Variants in GPATCH11 observed in about 807,000 individuals in gnomAD.
The protein encoded by GPATCH11 is G-patch domain containing 11.
Under a neutral mutation model 44.8 loss-of-function variants are expected in GPATCH11, and 32 were observed. That is an observed-to-expected ratio of 0.71 (90% CI 0.54 to 0.96). The LOEUF is 0.96. GPATCH11 is among the 40% of genes least tolerant of loss of function. The pLI is 0.00. For synonymous variants in GPATCH11, 84 were observed against 94.4 expected, an observed-to-expected ratio of 0.89 and a Z score of 0.64; for missense variants, 324 against 303.1, an observed-to-expected ratio of 1.07 and a Z score of -0.51.
At position 37,089,819 on chromosome 2, in the gene GPATCH11, T is replaced by C; in HGVS notation, c.239T>C (p.Leu80Ser). ...ALGCENKGFA[L>S]LQKMGYKSGQ... The stretch of plus-strand genomic sequence containing the variant: ...GGCTGTGAAAACAAAGGGTTTGCCT[T>C]GCTCCAAAAGATGGGCTATAAAAGT... The change falls in exon 3 of 9, where the codon TTG becomes TCG. Residue 80 changes from leucine (L) to serine (S), a missense_variant. By Grantham distance (145) the Leu-to-Ser change is moderately radical. Transcript: ENST00000674370. The C allele has an allele frequency of 6.4e-7, 1 of 1,551,814 alleles. No individual in the cohort carries two copies. Among genetic ancestry groups the C allele is most frequent in the Non-Finnish European group, 8.7e-7 (1 of 1,147,032 alleles).
At position 37,095,620 on chromosome 2, in the gene GPATCH11, A is replaced by T. The variant is rs976337432; in HGVS notation, c.736+102A>T. The T allele has an allele frequency of 2.7e-5, 35 of 1,272,962 alleles. No homozygotes were observed. The Middle Eastern group carries it at 7.2e-4, about 26-fold the overall frequency. The allele number at this position is 1,272,962 out of a possible 1,614,324, so 78.9% of individuals were successfully genotyped here. ...AATGGAAATTTCTTATTCCATTCAA[A>T]TGGCAGTATGGGACCAATTTCTTAA... On this transcript the variant is annotated intron_variant, in intron 8 of 8. Transcript: ENST00000674370.
chr2:37,085,480 G>A (rs959341514), intron 1 of GPATCH11, among the ~76,000 whole-genome samples: 26 of 152,294 alleles, frequency 1.7e-4, no homozygotes, highest in Middle Eastern at 3.4e-3. Flanking sequence ...TACCATAAAT[G>A]CTGTATATAA....
chr2:37,086,475 C>A (rs1338096244), intron 1 of GPATCH11, among the ~76,000 whole-genome samples: 1 of 152,056 alleles, frequency 6.6e-6, no homozygotes, highest in African/African-American at 2.4e-5. Context: ...TATACATTAT[C>A]TAGTTGAGAA....
In GPATCH11 at chr2:37,095,426, G is replaced by T; in HGVS notation, c.655-11G>T. ...AATGTAAAGTATTAATAATGTGCTT[G>T]TATCCTATAGGTACTGGAAAAATTA... is the stretch of plus-strand genomic sequence containing the variant. On this transcript the variant is annotated splice_polypyrimidine_tract_variant and intron_variant, in intron 7 of 8. Transcript: ENST00000674370. The T allele has an allele frequency of 1.3e-6, 2 of 1,596,978 alleles. No homozygotes were observed. Among genetic ancestry groups the T allele is most frequent in the Non-Finnish European group, 1.7e-6 (2 of 1,173,858 alleles).
chr2:37,086,418 G>A (rs1673051769), intron 1 of GPATCH11, among the ~76,000 whole-genome samples: 1 of 152,192 alleles, frequency 6.6e-6, no homozygotes, highest in Non-Finnish European at 1.5e-5. Context: ...GGATGCAGTG[G>A]TAGGTAGGGA....
intron 1 of GPATCH11, among the ~76,000 whole-genome samples, chr2:37,086,169 T>C (rs370460704): frequency 7.9e-4 from 121 of 152,338 alleles, no homozygotes; most frequent in Middle Eastern, 3.4e-3. Flanking sequence ...ACACTAAGGA[T>C]GTAGAAAACC....
In GPATCH11 at chr2:37,096,205, C is replaced by T; in HGVS notation, c.737-3C>T. 6.4e-7 allele frequency: 1 copy of T among 1,550,502 alleles called. No homozygotes were observed. The highest frequency in any genetic ancestry group is 2.3e-5 in the East Asian group (1 of 44,038). ...TCTTTCATTTCCCTCACATAACTTA[C>T]AGATAAAGAAGACCTATCTTCAAAT... On this transcript the variant is annotated splice_polypyrimidine_tract_variant and splice_region_variant and intron_variant, in intron 8 of 8. Transcript: ENST00000674370.
At chr2:37,088,871 G>A (rs112128515) in intron 2 of GPATCH11, among the ~76,000 whole-genome samples, 2,674 of 152,166 alleles carry the variant, frequency 0.018, 43 homozygotes, top group Non-Finnish European at 0.029. Context: ...CTTGCTTTAT[G>A]GAAATACCTC....
intron 2 of GPATCH11, among the ~76,000 whole-genome samples, chr2:37,089,060 C>T (rs186392388): frequency 4.7e-4 from 72 of 152,294 alleles, no homozygotes; most frequent in African/African-American, 1.5e-3. Context: ...TGCCAACATC[C>T]TAGAAACATA....
In GPATCH11 at chr2:37,089,835, C is replaced by T. The variant is rs2148639220; in HGVS notation, c.255C>T (p.Gly85=). 1 of 1,551,592 alleles carries T rather than the reference C, an allele frequency of 6.4e-7. No individual in the cohort carries two copies. Among genetic ancestry groups the T allele is most frequent in the African/African-American group, 1.4e-5 (1 of 73,154 alleles). ...GGTTTGCCTTGCTCCAAAAGATGGGCTATAAAAGTGGTCAGGCACTTGGCA... is the reference window on the plus strand; with the variant it reads ...GGTTTGCCTTGCTCCAAAAGATGGGTTATAAAAGTGGTCAGGCACTTGGCA... ...NKGFALLQKM[G]YKSGQALGKS... is the part of the protein sequence containing the mutation. The change falls in exon 3 of 9, where the codon GGC becomes GGT. Residue 85 remains glycine, a synonymous_variant. Coordinates refer to ENST00000674370, the MANE Select transcript of GPATCH11 (RefSeq NM_174931.4).
At chr2:37,087,257 G>C (rs982136476) in intron 1 of GPATCH11, among the ~76,000 whole-genome samples, 4 of 152,186 alleles carry the variant, frequency 2.6e-5, no homozygotes. Context: ...TACTGACATT[G>C]CCACCCTCCA....
In GPATCH11 at chr2:37,092,023, G is replaced by A. The variant is rs369659513; in HGVS notation, c.436G>A (p.Ala146Thr). 1 of 1,612,870 alleles carries A rather than the reference G, an allele frequency of 6.2e-7. No homozygotes were observed. Among genetic ancestry groups the A allele is most frequent in the Non-Finnish European group, 8.5e-7 (1 of 1,179,214 alleles). Reference protein sequence around the residue: ...HMKNQAEEKAAEQFRMRLKNK... With the variant: ...HMKNQAEEKATEQFRMRLKNK... Reference sequence around the variant, plus strand: ...GAAAAACCAAGCTGAAGAAAAAGCTGCAGAACAGTTTCGGTAAAACTATTT... The same window carrying A: ...GAAAAACCAAGCTGAAGAAAAAGCTACAGAACAGTTTCGGTAAAACTATTT... The change falls in exon 5 of 9, where the codon GCA becomes ACA. Residue 146 changes from alanine (A) to threonine (T), a missense_variant. Transcript: ENST00000674370.
In GPATCH11 at chr2:37,096,402, T is replaced by C. The variant is rs889571101; in HGVS notation, c.*139T>C. ...ATAATGTTTTGTTCTTTTTGTACTTTAGAATATGAATGTTCATTGACTTGA... is the reference window on the plus strand; with the variant it reads ...ATAATGTTTTGTTCTTTTTGTACTTCAGAATATGAATGTTCATTGACTTGA... On this transcript the variant is annotated 3_prime_UTR_variant, in exon 9 of 9. Coordinates refer to ENST00000674370, the MANE Select transcript of GPATCH11 (RefSeq NM_174931.4). The C allele has an allele frequency of 3.2e-6, 2 of 633,698 alleles. No individual in the cohort carries two copies. The allele number at this position is 633,698 out of a possible 1,614,324, so 39.3% of individuals were successfully genotyped here. A position where few individuals can be genotyped will look rare whatever the true frequency, so the allele number is the denominator to read the frequency against.
At chr2:37,094,225 T>C (rs1328450203) in intron 7 of GPATCH11, 30 bp downstream of exon 7, 2 of 1,362,260 alleles carry the variant, frequency 1.5e-6, no homozygotes, top group South Asian at 1.3e-5. Context: ...CTTCATAGGG[T>C]GTCTCAGCCT....
chr2:37,086,259 G>C (rs1673040130), intron 1 of GPATCH11, among the ~76,000 whole-genome samples: 1 of 152,152 alleles, frequency 6.6e-6, no homozygotes, highest in Non-Finnish European at 1.5e-5. Context: ...AATGTATTAA[G>C]CTGTACATTT....
intron 1 of GPATCH11, among the ~76,000 whole-genome samples, chr2:37,085,379 G>A (rs1267575816): frequency 1.3e-5 from 2 of 152,200 alleles, no homozygotes; most frequent in Non-Finnish European, 2.9e-5. Flanking sequence ...TGATAAAAAT[G>A]TGTGATATAC....
chr2:37,096,173 G>C, intron 8 of GPATCH11, 35 bp from the exon 9 acceptor site: 1 of 1,304,244 alleles, frequency 7.7e-7, no homozygotes, highest in Non-Finnish European at 1.1e-6. Context: ...TGTAGAAGTT[G>C]TATTAATCTT....
chr2:37,093,171 A>G (rs1245313271), intron 6 of GPATCH11, among the ~76,000 whole-genome samples: 7 of 152,072 alleles, frequency 4.6e-5, no homozygotes. Flanking sequence ...GTGGAATGCT[A>G]TCTAGTTCAA....
intron 1 of GPATCH11, among the ~76,000 whole-genome samples, chr2:37,085,054 C>G (rs74476475): frequency 0.034 from 5,244 of 152,308 alleles, 127 homozygotes; most frequent in Non-Finnish European, 0.052. Flanking sequence ...TGCTATCACT[C>G]TGGTACGAGC....
Sources: allele counts gnomAD v4.1 joint callset (sites outside exome capture counted in the v4.1 genomes callset), GRCh38; gene constraint gnomAD v4.1.1; transcripts MANE v1.5; gene names NCBI Gene and HGNC (gene_info 2026-07-23, HGNC 2026-07-21).